EVA1A: variants seen among roughly 807,000 people sequenced by gnomAD.
EVA1A encodes eva-1 homolog A, regulator of programmed cell death.
A neutral mutation model predicts 9.8 loss-of-function variants in EVA1A; 7 were observed. The observed-to-expected ratio is 0.71, with a 90% CI of 0.41 to 1.34. The LOEUF (loss-of-function observed/expected upper bound fraction) is 1.34. Ranked by LOEUF, EVA1A falls within the 40% of genes most tolerant of loss-of-function variation. The pLI is 0.01. For missense variants in EVA1A, 206 were observed against 205.9 expected (o/e 1.00, Z 0.00); for synonymous variants, 90 against 85.6 (o/e 1.05, Z -0.28).
At chr2:75,516,951 C>T (rs531435642) in intron 3 of EVA1A, among the ~76,000 whole-genome samples, 11 of 152,206 alleles carry the variant, frequency 7.2e-5, no homozygotes, top group Admixed American at 2.0e-4. Context: ...ACTTCCTTAA[C>T]GGGGAAGAGG....
chr2:75,553,881 G>A (rs1034460724), intron 1 of EVA1A, among the ~76,000 whole-genome samples: 2 of 152,130 alleles, frequency 1.3e-5, no homozygotes, highest in African/African-American at 2.4e-5. Context: ...TGCTCATTCC[G>A]CCCACTCTCA....
In EVA1A at chr2:75,503,971, G is replaced by A. The variant is rs187194377; in HGVS notation, c.86-10362C>T. Among the ~76,000 whole-genome samples, 7 of 152,170 alleles carry A rather than the reference G, an allele frequency of 4.6e-5. No homozygotes were observed. The East Asian group carries it at 1.4e-3, about 29-fold the overall frequency. ...ATACATGTAACAAAATTTCACGTGTGCTCCATAAATTTTCATTAATAAAAA... is the reference window on the plus strand; with the variant it reads ...ATACATGTAACAAAATTTCACGTGTACTCCATAAATTTTCATTAATAAAAA... On this transcript the variant is annotated intron_variant, in intron 3 of 3. Coordinates refer to ENST00000393913, the MANE Select transcript of EVA1A (RefSeq NM_001135032.2).
intron 1 of EVA1A, among the ~76,000 whole-genome samples, chr2:75,539,048 T>C (rs1284727585): frequency 6.6e-6 from 1 of 152,176 alleles, no homozygotes; most frequent in Non-Finnish European, 1.5e-5. Flanking sequence ...TGCATATACA[T>C]TTAAAATTAT....
At chr2:75,544,605 A>C (rs1284465572) in intron 1 of EVA1A, among the ~76,000 whole-genome samples, 1 of 152,222 alleles carries the variant, frequency 6.6e-6, no homozygotes, top group East Asian at 1.9e-4. Flanking sequence ...CAGAGAAACA[A>C]ACACTGGAGT....
intron 1 of EVA1A, chr2:75,542,735 T>C (rs1676175922): frequency 6.6e-6 from 1 of 152,230 alleles, no homozygotes; most frequent in Admixed American, 6.5e-5. Context: ...ATAAGGTCTT[T>C]GAAAATAAGG....
At chr2:75,551,105 G>C (rs754306790) in intron 1 of EVA1A, among the ~76,000 whole-genome samples, 3 of 152,006 alleles carry the variant, frequency 2.0e-5, no homozygotes, top group Non-Finnish European at 4.4e-5. Context: ...CTGGGCGACA[G>C]AGCAAGACTC....
chr2:75,562,111 A>T (rs1572998618), upstream of EVA1A, among the ~76,000 whole-genome samples: 1 of 152,352 alleles, frequency 6.6e-6, no homozygotes, highest in East Asian at 1.9e-4. Context: ...TCTGCAGCTT[A>T]ACAAGATCCC....
chr2:75,547,439 G>T (rs192634458), intron 1 of EVA1A, among the ~76,000 whole-genome samples: 22 of 152,248 alleles, frequency 1.4e-4, no homozygotes, highest in Admixed American at 1.2e-3. Flanking sequence ...ACATTCTAAA[G>T]AATTCTTAAG....
At chr2:75,536,185 A>C (rs1375258957) in intron 1 of EVA1A, among the ~76,000 whole-genome samples, 1 of 152,106 alleles carries the variant, frequency 6.6e-6, no homozygotes. Context: ...AAAAAATACA[A>C]AAATTAGCCA....
chr2:75,557,574 C>T (rs1318805098), intron 1 of EVA1A, among the ~76,000 whole-genome samples: 1 of 152,220 alleles, frequency 6.6e-6, no homozygotes, highest in African/African-American at 2.4e-5. Flanking sequence ...GCTAGGTGCA[C>T]ACTGCAAAAG....
chr2:75,495,576 T>C (rs1241905726), intron 3 of EVA1A, among the ~76,000 whole-genome samples: 1 of 152,180 alleles, frequency 6.6e-6, no homozygotes, highest in African/African-American at 2.4e-5. Context: ...AAAACTTCAT[T>C]TTGTCTCACC....
chr2:75,569,071 C>T (rs961192617), intron 1 of EVA1A, among the ~76,000 whole-genome samples: 1 of 152,166 alleles, frequency 6.6e-6, no homozygotes, highest in African/African-American at 2.4e-5. Flanking sequence ...TCCATATTTA[C>T]TTTCCCATCA....
At chr2:75,512,902 A>G (rs1473667535) in intron 3 of EVA1A, among the ~76,000 whole-genome samples, 2 of 152,188 alleles carry the variant, frequency 1.3e-5, no homozygotes, top group Non-Finnish European at 2.9e-5. Flanking sequence ...ATCACACCTG[A>G]TATGAACTAC....
At chr2:75,529,932 AC>A (rs1289817434) in intron 1 of EVA1A, among the ~76,000 whole-genome samples, 3 of 152,218 alleles carry the variant, frequency 2.0e-5, no homozygotes, top group Non-Finnish European at 4.4e-5. Context: ...TAAACAAAAA[AC>A]AATACAAAAG....
chr2:75,493,394 G>T lies in EVA1A; in HGVS notation c.301C>A (p.Arg101Ser), dbSNP rs1331426993. ...TVSDLSVRRH[R>S]RFERTLNKNV... ...TTGTTCAAAGTCCTCTCGAAGCGGC[G>T]GTGTCTCCGCACGGAGAGATCGGAC... Residue 101 changes from arginine (R) to serine (S), a missense_variant, in exon 4 of 4, where the codon CGC becomes AGC. Transcript: ENST00000393913. The T allele has an allele frequency of 8.1e-6, 13 of 1,614,246 alleles. No homozygotes were observed. In the African/African-American group the frequency reaches 1.3e-4, roughly 17 times the overall value.
intron 1 of EVA1A, among the ~76,000 whole-genome samples, chr2:75,523,728 G>A (rs1675312624): frequency 6.6e-6 from 1 of 152,164 alleles, no homozygotes; most frequent in Non-Finnish European, 1.5e-5. Context: ...TAAGGGCAGG[G>A]ACCATGCCTT....
intron 1 of EVA1A, among the ~76,000 whole-genome samples, chr2:75,557,010 C>T (rs960135733): frequency 6.6e-6 from 1 of 152,160 alleles, no homozygotes; most frequent in Non-Finnish European, 1.5e-5. Context: ...CCCTCAAAAG[C>T]AGCACTTACT....
At chr2:75,537,932 C>A (rs1441148912) in intron 1 of EVA1A, among the ~76,000 whole-genome samples, 2 of 152,192 alleles carry the variant, frequency 1.3e-5, no homozygotes, top group Non-Finnish European at 2.9e-5. Context: ...AAATAAACAT[C>A]TTTTCTTTAT....
At chr2:75,512,008 A>C (rs1346650824) in intron 3 of EVA1A, among the ~76,000 whole-genome samples, 1 of 152,066 alleles carries the variant, frequency 6.6e-6, no homozygotes, top group Non-Finnish European at 1.5e-5. Context: ...TTTAAGGAGA[A>C]GGTGATTTAT....
Sources: allele counts gnomAD v4.1 joint callset (sites outside exome capture counted in the v4.1 genomes callset), GRCh38; gene constraint gnomAD v4.1.1; transcripts MANE v1.5; gene names NCBI Gene and HGNC (gene_info 2026-07-23, HGNC 2026-07-21).